The following IQCM variants were observed in gnomAD, a reference collection of about 807,000 sequenced individuals.
The protein encoded by IQCM is IQ domain-containing protein M.
A neutral mutation model predicts 57.6 loss-of-function variants in IQCM; 45 were observed. The observed-to-expected ratio is 0.78, with a 90% CI of 0.62 to 1.00. IQCM has a LOEUF of 1.00. IQCM is among the 50% of genes least tolerant of loss of function. The pLI is 0.00. For synonymous variants in IQCM, 148 were observed against 158.9 expected (o/e 0.93, Z 0.51); for missense variants, 468 against 511.6 (o/e 0.91, Z 0.82).
At chr4:149,430,022 G>A in intron 13 of IQCM, 4 of 1,228,570 alleles carry the variant, frequency 3.3e-6, no homozygotes, top group Non-Finnish European at 4.1e-6. Context: ...ATAATTTCAG[G>A]TGGAAAACTG....
At chr4:149,509,956 T>C (rs1362597512) in intron 12 of IQCM, among the ~76,000 whole-genome samples, 1 of 152,146 alleles carries the variant, frequency 6.6e-6, no homozygotes, top group Non-Finnish European at 1.5e-5. Flanking sequence ...CTGCAATATC[T>C]ACCCTTATTT....
chr4:149,730,987 A>G (rs1381559578), intron 5 of IQCM, among the ~76,000 whole-genome samples: 1 of 152,150 alleles, frequency 6.6e-6, no homozygotes, highest in Non-Finnish European at 1.5e-5. Context: ...GTACCTCTCA[A>G]GTGCTAGGTC....
Position 149,553,291 on chromosome 4 carries a change from C to T in IQCM, c.949-4G>A. The stretch of plus-strand genomic sequence containing the variant: ...TATCTGGTCCATGATCCAAAGCCTA[C>T]AAAGACAGAAAAGCTCCTTATATAT... On this transcript the variant is annotated splice_region_variant and splice_polypyrimidine_tract_variant and intron_variant, in intron 10 of 13. Coordinates refer to ENST00000636793, the MANE Select transcript of IQCM (RefSeq NM_001363507.2). 2 of 1,231,708 alleles carry T rather than the reference C, an allele frequency of 1.6e-6. No homozygotes were observed. The highest frequency in any genetic ancestry group is 2.0e-6 in the Non-Finnish European group (2 of 987,628). 76.3% of individuals were successfully genotyped at this position (1,231,708 alleles called of 1,614,324 possible). A position where few individuals can be genotyped will look rare whatever the true frequency, so the allele number is the denominator to read the frequency against.
chr4:149,548,024 T>C (rs1294802534), intron 12 of IQCM, among the ~76,000 whole-genome samples: 5 of 152,170 alleles, frequency 3.3e-5, no homozygotes, highest in African/African-American at 7.2e-5. Flanking sequence ...GTCTATTATA[T>C]TGAAATAGCT....
intron 2 of IQCM, among the ~76,000 whole-genome samples, chr4:149,809,576 G>A (rs528815147): frequency 2.0e-5 from 3 of 152,214 alleles, no homozygotes; most frequent in African/African-American, 7.2e-5. Context: ...ATCTTACCCA[G>A]TATCAAACTT....
In IQCM at chr4:149,454,055, A is replaced by C. The variant is rs570582576; in HGVS notation, c.1229-20498T>G. 1.3e-4 allele frequency among the ~76,000 whole-genome samples: 19 copies of C among 151,462 alleles called. No homozygotes were observed. In the South Asian group the frequency reaches 2.9e-3, roughly 23 times the overall value. ...ATCAATTGATGAGTAGCTAAACAAA[A>C]TTTTGACACATGCACGTGTATGTTC... On this transcript the variant is annotated intron_variant, in intron 12 of 13. Transcript: ENST00000636793.
chr4:149,479,515 T>A (rs1264461594), intron 12 of IQCM, among the ~76,000 whole-genome samples: 1 of 152,216 alleles, frequency 6.6e-6, no homozygotes, highest in East Asian at 1.9e-4. Context: ...GGCACTCTTA[T>A]TATTTCCATT....
At chr4:149,760,789 T>A (rs1769430171) in intron 2 of IQCM, among the ~76,000 whole-genome samples, 1 of 152,070 alleles carries the variant, frequency 6.6e-6, no homozygotes, top group Admixed American at 6.6e-5. Flanking sequence ...TTGGCCTAGA[T>A]ATTCTCTTCT....
chr4:149,543,970 A>G (rs972775881), intron 12 of IQCM, among the ~76,000 whole-genome samples: 8 of 152,166 alleles, frequency 5.3e-5, no homozygotes, highest in African/African-American at 1.7e-4. Flanking sequence ...GTGGCAAAAC[A>G]AAGTCCATAG....
intron 13 of IQCM, among the ~76,000 whole-genome samples, chr4:149,374,653 A>G (rs1730582682): frequency 6.6e-6 from 1 of 152,168 alleles, no homozygotes; most frequent in Non-Finnish European, 1.5e-5. Context: ...TAAAATAATA[A>G]TGCTATTAAT....
At chr4:149,741,318 T>C (rs1767435299) in intron 3 of IQCM, among the ~76,000 whole-genome samples, 1 of 152,136 alleles carries the variant, frequency 6.6e-6, no homozygotes, top group Non-Finnish European at 1.5e-5. Context: ...GTTTCATATA[T>C]ACCTCAGACA....
chr4:149,628,368 T>C (rs1756988552), intron 7 of IQCM, among the ~76,000 whole-genome samples: 1 of 152,106 alleles, frequency 6.6e-6, no homozygotes, highest in South Asian at 2.1e-4. Context: ...TTAGCATTTT[T>C]AAAAGGGAAG....
chr4:149,643,252 C>CT (rs1301771018), intron 7 of IQCM, among the ~76,000 whole-genome samples: 3 of 152,094 alleles, frequency 2.0e-5, no homozygotes, highest in African/African-American at 7.2e-5. Context: ...CACTGAATAC[C>CT]TACTTTGTGT....
At chr4:149,757,657 C>T (rs1191617119) in intron 2 of IQCM, among the ~76,000 whole-genome samples, 1 of 151,754 alleles carries the variant, frequency 6.6e-6, no homozygotes, top group East Asian at 1.9e-4. Flanking sequence ...TCATACGTAC[C>T]TAACAAAATA....
At chr4:149,725,807 C>T (rs1047778779) in intron 5 of IQCM, among the ~76,000 whole-genome samples, 3 of 152,092 alleles carry the variant, frequency 2.0e-5, no homozygotes, top group Admixed American at 6.6e-5. Context: ...CATCCTTCCT[C>T]GAACCAGCTC....
At chr4:149,608,439 T>A (rs574607919) in intron 8 of IQCM, among the ~76,000 whole-genome samples, 1 of 152,082 alleles carries the variant, frequency 6.6e-6, no homozygotes, top group African/African-American at 2.4e-5. Flanking sequence ...ATGGAATATT[T>A]TATTCAACAG....
At chr4:149,450,497 G>T (rs1057194624) in intron 12 of IQCM, among the ~76,000 whole-genome samples, 1 of 151,482 alleles carries the variant, frequency 6.6e-6, no homozygotes. Flanking sequence ...TACACAATGG[G>T]CTCAAACTCT....
intron 11 of IQCM, among the ~76,000 whole-genome samples, chr4:149,552,192 C>T (rs930111722): frequency 6.6e-6 from 1 of 152,090 alleles, no homozygotes; most frequent in East Asian, 1.9e-4. Context: ...ATCATTTTAA[C>T]AAATATTTTT....
chr4:149,480,882 T>G (rs1192441390), intron 12 of IQCM, among the ~76,000 whole-genome samples: 1 of 152,134 alleles, frequency 6.6e-6, no homozygotes, highest in Non-Finnish European at 1.5e-5. Flanking sequence ...CCACAAATAG[T>G]GTACAAGGGT....
Sources: gnomAD v4.1 joint callset for allele counts (sites outside exome capture counted in the v4.1 genomes callset) on GRCh38, gnomAD v4.1.1 for gene constraint, MANE v1.5 for transcripts, NCBI Gene and HGNC (gene_info 2026-07-23, HGNC 2026-07-21) for gene names.